BMP2K: variants seen among roughly 807,000 people sequenced by gnomAD.
BMP2K encodes the protein BMP2 inducible kinase.
Under a neutral mutation model 116.0 loss-of-function variants are expected in BMP2K, and 74 were observed. The ratio of observed to expected loss-of-function variants is 0.64; its 90% CI spans 0.53 to 0.77. The LOEUF (loss-of-function observed/expected upper bound fraction) is 0.77. Ranked by LOEUF, BMP2K falls within the 30% of genes least tolerant of loss-of-function variation. BMP2K has a pLI of 0.00. For synonymous variants in BMP2K, 486 were observed against 502.5 expected, an observed-to-expected ratio of 0.97 and a Z score of 0.44; for missense variants, 1,365 against 1,403.6, an observed-to-expected ratio of 0.97 and a Z score of 0.44.
chr4:78,840,161 T>G (rs1730689653), intron 3 of BMP2K, among the ~76,000 whole-genome samples: 2 of 152,226 alleles, frequency 1.3e-5, no homozygotes. Context: ...AGAAAAATGT[T>G]GCTTTTTAAT....
chr4:78,811,020 C>T (rs954515028), intron 1 of BMP2K, among the ~76,000 whole-genome samples: 53 of 152,062 alleles, frequency 3.5e-4, no homozygotes, highest in African/African-American at 1.2e-3. Context: ...TTGGAAAGTA[C>T]TATATACTCT....
intron 9 of BMP2K, 89 bp downstream of exon 9, chr4:78,861,557 C>T (rs1731791250): frequency 2.0e-6 from 2 of 1,007,858 alleles, no homozygotes; most frequent in Admixed American, 4.7e-5. Flanking sequence ...GATTAAATAT[C>T]ATCTTCATCC....
intron 15 of BMP2K, among the ~76,000 whole-genome samples, chr4:78,888,959 C>T (rs7694563): frequency 0.07 from 10,717 of 152,202 alleles, 516 homozygotes; most frequent in East Asian, 0.22. Flanking sequence ...CGGTGGCTTG[C>T]GCCTGTAATC....
At chr4:78,824,916 T>C (rs1419795384) in intron 1 of BMP2K, among the ~76,000 whole-genome samples, 1 of 152,038 alleles carries the variant, frequency 6.6e-6, no homozygotes, top group Non-Finnish European at 1.5e-5. Context: ...TTAACAGAAT[T>C]CCCAGCCAGG....
intron 1 of BMP2K, among the ~76,000 whole-genome samples, chr4:78,802,084 T>C (rs1295846825): frequency 1.3e-5 from 2 of 152,250 alleles, no homozygotes; most frequent in Non-Finnish European, 2.9e-5. Context: ...GAAAGAGTTT[T>C]GCTCGATATA....
intron 1 of BMP2K, among the ~76,000 whole-genome samples, chr4:78,799,365 A>G (rs1728456983): frequency 6.6e-6 from 1 of 152,178 alleles, no homozygotes; most frequent in African/African-American, 2.4e-5. Context: ...CTTTATGTAA[A>G]TACCCTTGCA....
Position 78,862,215 on chromosome 4 carries a change from G to A in BMP2K, c.1067+747G>A, listed in dbSNP as rs569512796. ...TTCATATGCTTTTTATATGCAAGAT[G>A]TAGACAATTTAAACACAAAGAAAAA... is the stretch of plus-strand genomic sequence containing the variant. On this transcript the variant is annotated intron_variant, in intron 9 of 15. Coordinates refer to ENST00000502613, the MANE Select transcript of BMP2K (RefSeq NM_198892.2). Among the ~76,000 whole-genome samples the A allele has an allele frequency of 1.3e-5, 2 of 152,146 alleles. 1 individual carries two copies. The highest frequency in any genetic ancestry group is 4.1e-4 in the South Asian group (2 of 4,822).
Position 78,872,599 on chromosome 4 carries a change from C to T in BMP2K, c.1609-15C>T. On this transcript the variant is annotated splice_polypyrimidine_tract_variant and intron_variant, in intron 12 of 15. Coordinates refer to ENST00000502613, the MANE Select transcript of BMP2K (RefSeq NM_198892.2). ...ACTGGAGCATTGTTTTGTATAATAT[C>T]ATTTCTTTTTTCAGATGCCGCAGTA... The T allele has an allele frequency of 6.2e-7, 1 of 1,611,486 alleles. No homozygotes were observed. Among genetic ancestry groups the T allele is most frequent in the Non-Finnish European group, 8.5e-7 (1 of 1,178,766 alleles).
intron 15 of BMP2K, among the ~76,000 whole-genome samples, chr4:78,890,793 A>G (rs1436639088): frequency 6.6e-6 from 1 of 152,054 alleles, no homozygotes; most frequent in Non-Finnish European, 1.5e-5. Context: ...TTTCCCACCA[A>G]TCTTTATGGA....
At chr4:78,825,689 GGAGATTCTGAT>G in intron 1 of BMP2K, among the ~76,000 whole-genome samples, 2 of 152,264 alleles carry the variant, frequency 1.3e-5, no homozygotes, top group South Asian at 4.1e-4. Context: ...CATCCAAGAG[GGAGATTCTGAT>G]ATGTAGGCAG....
chr4:78,783,687 T>C (rs186804568), intron 1 of BMP2K, among the ~76,000 whole-genome samples: 1 of 152,186 alleles, frequency 6.6e-6, no homozygotes, highest in African/African-American at 2.4e-5. Flanking sequence ...GTGCCTATAA[T>C]AACAGCTACT....
intron 15 of BMP2K, among the ~76,000 whole-genome samples, chr4:78,909,842 A>G (rs1734488445): frequency 6.6e-6 from 1 of 152,204 alleles, no homozygotes. Context: ...ACCAATGTAT[A>G]ATCAGTGTAT....
chr4:78,784,408 C>G (rs1160833244), intron 1 of BMP2K, among the ~76,000 whole-genome samples: 1 of 152,150 alleles, frequency 6.6e-6, no homozygotes, highest in African/African-American at 2.4e-5. Flanking sequence ...CTACCCACAG[C>G]CTGCTATTTT....
chr4:78,807,520 A>G (rs1728875862), intron 1 of BMP2K, among the ~76,000 whole-genome samples: 1 of 151,258 alleles, frequency 6.6e-6, no homozygotes. Context: ...CATTTGATGG[A>G]ATTTATTAGT....
rs201783687 is a variant in BMP2K, at chr4:78,826,024, T to G, written c.179-13T>G. The G allele has an allele frequency of 4.4e-6, 7 of 1,591,280 alleles. No homozygotes were observed. The East Asian group carries it at 1.6e-4, about 36-fold the overall frequency. ...TTGTTTCTTTTAAATTAATTGGTGC[T>G]TTGTTTTTCTAGGTGGATTCTCCAC... On this transcript the variant is annotated splice_polypyrimidine_tract_variant and intron_variant, in intron 1 of 15. Transcript: ENST00000502613.
chr4:78,833,495 TTTACA>T, intron 2 of BMP2K, 82 bp from the exon 3 acceptor site: 1 of 869,548 alleles, frequency 1.2e-6, no homozygotes, highest in Non-Finnish European at 1.8e-6. Context: ...TTTGAAATTC[TTTACA>T]TTAATTTAGG....
chr4:78,867,106 A>C (rs912761436), intron 10 of BMP2K, among the ~76,000 whole-genome samples: 1 of 151,458 alleles, frequency 6.6e-6, no homozygotes. Context: ...CAGTAGATGG[A>C]GATTGCAGTG....
intron 1 of BMP2K, among the ~76,000 whole-genome samples, chr4:78,800,044 T>C (rs551701597): frequency 6.6e-6 from 1 of 152,336 alleles, no homozygotes; most frequent in Non-Finnish European, 1.5e-5. Flanking sequence ...ATACAAACTT[T>C]TACTCTTTCA....
intron 1 of BMP2K, among the ~76,000 whole-genome samples, chr4:78,824,172 C>A (rs527859323): frequency 5.9e-5 from 9 of 152,182 alleles, no homozygotes; most frequent in African/African-American, 2.2e-4. Flanking sequence ...AAATCCAGAT[C>A]TATAAAAGGG....
Sources: gnomAD v4.1 joint callset for allele counts (sites outside exome capture counted in the v4.1 genomes callset) on GRCh38, gnomAD v4.1.1 for gene constraint, MANE v1.5 for transcripts, NCBI Gene and HGNC (gene_info 2026-07-23, HGNC 2026-07-21) for gene names.